Variants in PIGK observed in about 807,000 individuals in gnomAD.
PIGK encodes phosphatidylinositol glycan anchor biosynthesis class K, also known as GPI-anchor transamidase.
A neutral mutation model predicts 50.6 loss-of-function variants in PIGK; 42 were observed. The observed-to-expected ratio is 0.83, with a 90% CI of 0.65 to 1.07. The LOEUF is 1.07. Ranked by LOEUF, PIGK falls within the 50% of genes least tolerant of loss-of-function variation. The probability of loss-of-function intolerance (pLI) is 0.00; values close to 1 mark genes in which losing one functional copy is unlikely to be tolerated. For synonymous variants in PIGK, 151 were observed against 156.0 expected (o/e 0.97, Z 0.24); for missense variants, 448 against 488.7 (o/e 0.92, Z 0.78).
intron 3 of PIGK, among the ~76,000 whole-genome samples, chr1:77,172,109 T>C (rs183832293): frequency 2.7e-5 from 4 of 147,278 alleles, no homozygotes; most frequent in Non-Finnish European, 6.0e-5. Context: ...ACATCCTTAA[T>C]TGTTTAAGCA....
At chr1:77,193,611 G>A (rs181081162) in intron 3 of PIGK, among the ~76,000 whole-genome samples, 42 of 152,240 alleles carry the variant, frequency 2.8e-4, no homozygotes, top group African/African-American at 9.9e-4. Flanking sequence ...ATATTTCCAA[G>A]GGAACAAAGT....
chr1:77,165,339 TA>T (rs1332716505), intron 5 of PIGK, among the ~76,000 whole-genome samples: 1 of 152,040 alleles, frequency 6.6e-6, no homozygotes, highest in Non-Finnish European at 1.5e-5. Flanking sequence ...TAAAGTAAAA[TA>T]AAATTTTTCC....
intron 4 of PIGK, among the ~76,000 whole-genome samples, chr1:77,167,246 A>C (rs1023898631): frequency 3.3e-5 from 5 of 152,126 alleles, no homozygotes; most frequent in African/African-American, 1.2e-4. Context: ...AGCTACTCAG[A>C]AGGCTGAGGC....
At chr1:77,109,086 G>A (rs1035374968) in intron 10 of PIGK, among the ~76,000 whole-genome samples, 5 of 152,030 alleles carry the variant, frequency 3.3e-5, no homozygotes, top group Admixed American at 2.0e-4. Context: ...GAATAGACCA[G>A]TAACAGGCTC....
intron 4 of PIGK, among the ~76,000 whole-genome samples, chr1:77,167,940 C>A (rs1779200): frequency 0.022 from 3,316 of 152,152 alleles, 129 homozygotes; most frequent in African/African-American, 0.076. Context: ...CAATCATACC[C>A]CAAACCTCAG....
intron 10 of PIGK, among the ~76,000 whole-genome samples, chr1:77,098,006 A>G (rs940497088): frequency 6.6e-6 from 1 of 152,144 alleles, no homozygotes; most frequent in African/African-American, 2.4e-5. Flanking sequence ...TGTGATTCCA[A>G]TGCAAGTGTA....
intron 1 of PIGK, among the ~76,000 whole-genome samples, chr1:77,215,895 G>C (rs955494783): frequency 1.3e-5 from 2 of 152,032 alleles, no homozygotes; most frequent in Admixed American, 1.3e-4. Flanking sequence ...TTAAAAACTT[G>C]ATCTCATGGA....
intron 3 of PIGK, among the ~76,000 whole-genome samples, chr1:77,200,592 AT>A (rs1656141155): frequency 6.6e-6 from 1 of 152,126 alleles, no homozygotes; most frequent in Admixed American, 6.5e-5. Context: ...AATTGTAGTA[AT>A]ATCTATAGAT....
intron 2 of PIGK, among the ~76,000 whole-genome samples, chr1:77,209,527 AC>A (rs1433156175): frequency 2.6e-5 from 4 of 152,136 alleles, no homozygotes; most frequent in African/African-American, 9.7e-5. Flanking sequence ...TTAGAAAAAG[AC>A]CCACAGTCTT....
chr1:77,210,839 C>T (rs36039369), intron 1 of PIGK, among the ~76,000 whole-genome samples: 17,181 of 151,934 alleles, frequency 0.11, 1,319 homozygotes, highest in African/African-American at 0.21. Context: ...CATCACAGGG[C>T]TCTTTTAGAG....
At chr1:77,115,558 G>A (rs1374875001) in intron 10 of PIGK, among the ~76,000 whole-genome samples, 1 of 151,994 alleles carries the variant, frequency 6.6e-6, no homozygotes, top group African/African-American at 2.4e-5. Flanking sequence ...TGAAAGAACT[G>A]TCCCATCCAA....
chr1:77,158,756 C>T (rs1655068163), intron 8 of PIGK, among the ~76,000 whole-genome samples: 1 of 152,054 alleles, frequency 6.6e-6, no homozygotes, highest in African/African-American at 2.4e-5. Context: ...AGCAGCAAAG[C>T]GTTCAAGAGG....
At chr1:77,214,806 C>T (rs1416509140) in intron 1 of PIGK, among the ~76,000 whole-genome samples, 2 of 152,068 alleles carry the variant, frequency 1.3e-5, no homozygotes, top group Admixed American at 6.6e-5. Context: ...AGTAAAGTTG[C>T]AAGACTCAAA....
intron 9 of PIGK, among the ~76,000 whole-genome samples, chr1:77,144,113 T>C (rs1225864423): frequency 6.6e-6 from 1 of 152,030 alleles, no homozygotes; most frequent in African/African-American, 2.4e-5. Flanking sequence ...TAGGAGCTTA[T>C]TGATTCCAAT....
At chr1:77,179,366 A>T (rs1182181394) in intron 3 of PIGK, among the ~76,000 whole-genome samples, 1 of 152,256 alleles carries the variant, frequency 6.6e-6, no homozygotes, top group Admixed American at 6.5e-5. Context: ...ACTCTGCTAC[A>T]TTTGAGTCCT....
At chr1:77,183,989 T>A (rs555035570) in intron 3 of PIGK, among the ~76,000 whole-genome samples, 2 of 152,286 alleles carry the variant, frequency 1.3e-5, no homozygotes, top group East Asian at 3.9e-4. Flanking sequence ...CTGTTATTGC[T>A]CTTCTCTGTA....
chr1:77,169,438 G>A (rs758892212), intron 3 of PIGK, 43 bp from the exon 4 acceptor site: 34 of 1,478,744 alleles, frequency 2.3e-5, no homozygotes, highest in Non-Finnish European at 2.8e-5. Flanking sequence ...TAGATAAAAG[G>A]AAAAAGTTAA....
intron 10 of PIGK, among the ~76,000 whole-genome samples, chr1:77,106,610 G>A (rs2100515270): frequency 6.6e-6 from 1 of 151,830 alleles, no homozygotes; most frequent in African/African-American, 2.4e-5. Context: ...CTTTCCCATG[G>A]ATAAAGGCCC....
chr1:77,172,274 C>G (rs1223186387), intron 3 of PIGK, among the ~76,000 whole-genome samples: 2 of 152,164 alleles, frequency 1.3e-5, no homozygotes, highest in Non-Finnish European at 1.5e-5. Context: ...AGCAGCCATA[C>G]TTCAACCACC....
Sources: gnomAD v4.1 joint callset for allele counts (sites outside exome capture counted in the v4.1 genomes callset) on GRCh38, gnomAD v4.1.1 for gene constraint, MANE v1.5 for transcripts, NCBI Gene and HGNC (gene_info 2026-07-23, HGNC 2026-07-21) for gene names.